The following TRHDE variants were observed in gnomAD, a reference collection of about 807,000 sequenced individuals.
TRHDE encodes the protein thyrotropin-releasing hormone-degrading ectoenzyme.
In TRHDE, 72 loss-of-function variants were observed where a neutral mutation model predicts 125.7. That is an observed-to-expected ratio of 0.57 (90% CI 0.47 to 0.70). The LOEUF (loss-of-function observed/expected upper bound fraction) is 0.70, where lower values mean the gene tolerates loss of function less well. Among genes scored for constraint, TRHDE ranks in the 30% least tolerant of loss-of-function variants. The pLI is 0.00. For synonymous variants in TRHDE, 509 were observed against 509.1 expected, an observed-to-expected ratio of 1.00 and a Z score of 0.00; for missense variants, 1,110 against 1,327.1, an observed-to-expected ratio of 0.84 and a Z score of 2.54.
intron 3 of TRHDE, among the ~76,000 whole-genome samples, chr12:72,386,935 T>C (rs1872444730): frequency 6.6e-6 from 1 of 152,180 alleles, no homozygotes. Context: ...TCCCTGCTCT[T>C]TTGCCTTTCT....
chr12:72,403,635 C>A (rs1396853941), intron 3 of TRHDE, among the ~76,000 whole-genome samples: 1 of 152,094 alleles, frequency 6.6e-6, no homozygotes. Context: ...AAACGAGAGC[C>A]AGGACTGCAT....
rs566518248 is a variant in TRHDE, at chr12:72,314,101, T to A, written c.1188+27147T>A. The stretch of plus-strand genomic sequence containing the variant: ...TGTCTTTTGTCAGCCTCTGTGAGAC[T>A]GTGACAGGCTAAACTCTTAACTTGC... On this transcript the variant is annotated intron_variant, in intron 2 of 18. Transcript: ENST00000261180. Among the ~76,000 whole-genome samples, 151 of 152,302 alleles carry A rather than the reference T, an allele frequency of 9.9e-4. No homozygotes were observed. The Middle Eastern group carries it at 0.014, about 14-fold the overall frequency.
At chr12:72,520,280 A>G (rs1019021812) in intron 6 of TRHDE, among the ~76,000 whole-genome samples, 4 of 152,142 alleles carry the variant, frequency 2.6e-5, no homozygotes, top group Admixed American at 6.5e-5. Flanking sequence ...CTGCTGTGCT[A>G]GCAATCAGCG....
intron 9 of TRHDE, among the ~76,000 whole-genome samples, chr12:72,564,959 A>G (rs2136014594): frequency 6.6e-6 from 1 of 151,990 alleles, no homozygotes; most frequent in African/African-American, 2.4e-5. Flanking sequence ...AGCCATATGT[A>G]TGATTTTGAA....
chr12:72,219,049 A>G (rs1328781002), intron 2 of TRHDE, among the ~76,000 whole-genome samples: 1 of 152,176 alleles, frequency 6.6e-6, no homozygotes, highest in East Asian at 1.9e-4. Flanking sequence ...ACAAAGTCAA[A>G]TGAATTAAAT....
At chr12:72,528,126 T>G (rs1310783855) in intron 6 of TRHDE, among the ~76,000 whole-genome samples, 5 of 152,180 alleles carry the variant, frequency 3.3e-5, no homozygotes, top group African/African-American at 1.2e-4. Flanking sequence ...AGATGGAAAT[T>G]GGGAAAGTAT....
At chr12:72,140,948 A>C (rs1035856423) in intron 2 of TRHDE, among the ~76,000 whole-genome samples, 1 of 151,998 alleles carries the variant, frequency 6.6e-6, no homozygotes, top group Non-Finnish European at 1.5e-5. Context: ...CAATCAGAAA[A>C]CTCCTATAAT....
At chr12:72,303,547 T>G (rs1005618329) in intron 2 of TRHDE, among the ~76,000 whole-genome samples, 9 of 152,110 alleles carry the variant, frequency 5.9e-5, no homozygotes, top group African/African-American at 2.2e-4. Context: ...TACTCTAGAC[T>G]TAGTGAATCT....
chr12:72,326,757 C>T (rs187618898), intron 2 of TRHDE, among the ~76,000 whole-genome samples: 24 of 152,202 alleles, frequency 1.6e-4, no homozygotes, highest in East Asian at 5.8e-4. Context: ...TATTTTAACA[C>T]GAAAAACGTA....
chr12:72,455,220 T>A (rs1167066387), intron 3 of TRHDE, among the ~76,000 whole-genome samples: 4 of 152,132 alleles, frequency 2.6e-5, no homozygotes, highest in Non-Finnish European at 2.9e-5. Flanking sequence ...CAATAGATAA[T>A]CACTACAGAA....
At chr12:72,370,757 T>C (rs1012192290) in intron 2 of TRHDE, among the ~76,000 whole-genome samples, 6 of 152,204 alleles carry the variant, frequency 3.9e-5, no homozygotes, top group Admixed American at 3.9e-4. Context: ...ATTTTTTTTT[T>C]TTTGAGATGG....
intron 3 of TRHDE, among the ~76,000 whole-genome samples, chr12:72,427,637 G>A (rs965670883): frequency 3.3e-5 from 5 of 152,156 alleles, no homozygotes; most frequent in East Asian, 3.9e-4. Flanking sequence ...TGCAATTCAC[G>A]TAAGTTATTG....
At chr12:72,359,052 C>T (rs769060327) in intron 2 of TRHDE, among the ~76,000 whole-genome samples, 2 of 151,436 alleles carry the variant, frequency 1.3e-5, no homozygotes, top group Non-Finnish European at 3.0e-5. Context: ...TAAATTTTGT[C>T]TTAAACAAAA....
rs111836630 is a variant in TRHDE at position 72,531,248 on chromosome 12, G to A, written c.1723-11043G>A. 4.7e-3 allele frequency among the ~76,000 whole-genome samples: 713 copies of A among 152,008 alleles called. 3 individuals carry two copies. Among genetic ancestry groups the A allele is most frequent in the African/African-American group, 0.016 (650 of 41,506 alleles). Reference sequence around the variant, plus strand: ...AAATGTTTTTCATGTATTTATTGCCGTTTGGGTTGCTTACTTTTTGAATTT... The same window carrying A: ...AAATGTTTTTCATGTATTTATTGCCATTTGGGTTGCTTACTTTTTGAATTT... On this transcript the variant is annotated intron_variant, in intron 6 of 18. Coordinates refer to ENST00000261180, the MANE Select transcript of TRHDE (RefSeq NM_013381.3).
intron 3 of TRHDE, among the ~76,000 whole-genome samples, chr12:72,380,821 C>G (rs1872135287): frequency 8.1e-6 from 1 of 122,942 alleles, no homozygotes; most frequent in African/African-American, 2.9e-5. Flanking sequence ...CTTCCTTATT[C>G]CCTCCCTCTC....
chr12:72,180,721 T>C (rs192642097), intron 2 of TRHDE, among the ~76,000 whole-genome samples: 24 of 152,260 alleles, frequency 1.6e-4, no homozygotes, highest in East Asian at 1.2e-3. Flanking sequence ...GCAATACTTA[T>C]TACTTTTCAG....
chr12:72,190,936 A>G (rs573904113), intron 2 of TRHDE, among the ~76,000 whole-genome samples: 2 of 152,364 alleles, frequency 1.3e-5, no homozygotes, highest in African/African-American at 4.8e-5. Flanking sequence ...TAGAAAGGGC[A>G]GCAACTTGTC....
At chr12:72,507,132 C>T (rs1351194087) in intron 6 of TRHDE, among the ~76,000 whole-genome samples, 2 of 152,160 alleles carry the variant, frequency 1.3e-5, no homozygotes, top group Non-Finnish European at 2.9e-5. Flanking sequence ...TCCTGTACAG[C>T]CTGCAAAACT....
rs764880831 is a variant in TRHDE, at chr12:72,194,509, ACCCAAT to A, written n.279+88758_279+88763del. On this transcript the variant is annotated intron_variant and non_coding_transcript_variant, in intron 2 of 4. Transcript: ENST00000548156. The stretch of plus-strand genomic sequence containing the variant: ...TGAGGTTTGGGGTACTGAGCATGAT[ACCCAAT>A]AGTTTTTCAAATCTTTCCCCCCTCC... Among the ~76,000 whole-genome samples, 226 of 152,154 alleles carry A rather than the reference ACCCAAT, an allele frequency of 1.5e-3. 1 individual carries two copies. The highest frequency in any genetic ancestry group is 2.8e-3 in the Non-Finnish European group (192 of 67,984).
Sources: gnomAD v4.1 joint callset for allele counts (sites outside exome capture counted in the v4.1 genomes callset) on GRCh38, gnomAD v4.1.1 for gene constraint, MANE v1.5 for transcripts, NCBI Gene and HGNC (gene_info 2026-07-23, HGNC 2026-07-21) for gene names.